Variants in PTPRN2 observed in about 807,000 individuals in gnomAD.
PTPRN2 encodes protein tyrosine phosphatase receptor type N2.
In PTPRN2, 74 loss-of-function variants were observed where a neutral mutation model predicts 118.8. That is an observed-to-expected ratio of 0.62 (90% CI 0.52 to 0.76). The LOEUF (loss-of-function observed/expected upper bound fraction) is 0.76. Ranked by LOEUF, PTPRN2 falls within the 30% of genes least tolerant of loss-of-function variation. The pLI, the probability that PTPRN2 is intolerant of heterozygous loss-of-function variation, is 0.00. For missense variants in PTPRN2, 1,481 were observed against 1,394.4 expected (o/e 1.06, Z -0.99); for synonymous variants, 641 against 608.0 (o/e 1.05, Z -0.80).
intron 12 of PTPRN2, among the ~76,000 whole-genome samples, chr7:157,730,092 G>A (rs145192817): frequency 1.1e-3 from 163 of 152,156 alleles, no homozygotes; most frequent in African/African-American, 3.8e-3. Context: ...GTCCACATTC[G>A]CATAAAATTT....
At chr7:158,197,489 TA>T (rs958468415) in intron 4 of PTPRN2, among the ~76,000 whole-genome samples, 17 of 152,174 alleles carry the variant, frequency 1.1e-4, no homozygotes, top group Admixed American at 6.5e-4. Flanking sequence ...ATGGGGCTTA[TA>T]AAAAAAATCC....
At chr7:157,658,196 C>T (rs970258468) in intron 13 of PTPRN2, among the ~76,000 whole-genome samples, 5 of 152,088 alleles carry the variant, frequency 3.3e-5, no homozygotes, top group East Asian at 1.9e-4. Context: ...AGGCCGGGGG[C>T]GGTTTGCACT....
At chr7:157,772,154 AACACACACACAGGCAC>A (rs1802884802) in intron 12 of PTPRN2, among the ~76,000 whole-genome samples, 1 of 146,506 alleles carries the variant, frequency 6.8e-6, no homozygotes, top group African/African-American at 2.5e-5. Context: ...CACAGACACA[AACACACACACAGGCAC>A]AGACATACAC....
chr7:157,957,436 C>T (rs10949676), intron 11 of PTPRN2, among the ~76,000 whole-genome samples: 125,751 of 152,062 alleles, frequency 0.83, 52,579 homozygotes, highest in East Asian at 0.89. Context: ...GCGATCAGAG[C>T]ATTATGGCCA....
At chr7:158,471,846 C>T (rs952372041) in intron 2 of PTPRN2, among the ~76,000 whole-genome samples, 1 of 152,254 alleles carries the variant, frequency 6.6e-6, no homozygotes, top group African/African-American at 2.4e-5. Context: ...GCGCCCCGGC[C>T]CCAGGGCCCC....
intron 1 of PTPRN2, among the ~76,000 whole-genome samples, chr7:158,492,908 CCT>C (rs1821566795): frequency 6.6e-6 from 1 of 152,216 alleles, no homozygotes; most frequent in Non-Finnish European, 1.5e-5. Flanking sequence ...ACTTGTGTAC[CCT>C]GTCGGCTCAC....
At chr7:157,885,735 G>A (rs1330497687) in intron 12 of PTPRN2, among the ~76,000 whole-genome samples, 1 of 152,224 alleles carries the variant, frequency 6.6e-6, no homozygotes, top group African/African-American at 2.4e-5. Flanking sequence ...CAGCTTTCAG[G>A]AATCTCCATG....
chr7:158,166,262 T>A lies in PTPRN2; in HGVS notation c.910+669A>T, dbSNP rs12532664. 1.9e-4 allele frequency among the ~76,000 whole-genome samples: 4 copies of A among 21,402 alleles called. 1 individual carries two copies. The highest frequency in any genetic ancestry group is 2.8e-3 in the East Asian group (2 of 704). 14.0% of individuals were successfully genotyped at this position (21,402 alleles called of 152,430 possible). A position where few individuals can be genotyped will look rare whatever the true frequency, so the allele number is the denominator to read the frequency against. The stretch of plus-strand genomic sequence containing the variant: ...AGGATCATCTCCTCCTCCCCCTGGC[T>A]GCCGCGTTCCCTGTCCTCACACCCT... On this transcript the variant is annotated intron_variant, in intron 6 of 22. Coordinates refer to ENST00000389418, the MANE Select transcript of PTPRN2 (RefSeq NM_002847.5).
chr7:157,809,981 C>T (rs924042305), intron 12 of PTPRN2, among the ~76,000 whole-genome samples: 5 of 152,104 alleles, frequency 3.3e-5, no homozygotes, highest in Admixed American at 6.6e-5. Flanking sequence ...GCAGAGGGTG[C>T]GTGGGGAGGA....
chr7:157,643,484 C>T (rs1375532513), intron 14 of PTPRN2, among the ~76,000 whole-genome samples: 4 of 152,242 alleles, frequency 2.6e-5, no homozygotes, highest in Non-Finnish European at 5.9e-5. Context: ...CAGAGCGCTG[C>T]AAGGGGCACT....
chr7:157,659,243 C>T (rs755690006), intron 13 of PTPRN2, among the ~76,000 whole-genome samples: 13 of 149,534 alleles, frequency 8.7e-5, no homozygotes, highest in Non-Finnish European at 1.9e-4. Context: ...GCCTGCAGCC[C>T]CTGTGAGAGC....
At chr7:158,238,664 C>A (rs758196723) in intron 3 of PTPRN2, among the ~76,000 whole-genome samples, 2 of 152,184 alleles carry the variant, frequency 1.3e-5, no homozygotes, top group African/African-American at 4.8e-5. Flanking sequence ...CCAGGAAGCA[C>A]GGGTCGCAGC....
chr7:157,649,529 C>T (rs1156837549), intron 14 of PTPRN2, among the ~76,000 whole-genome samples: 2 of 109,112 alleles, frequency 1.8e-5, no homozygotes, highest in Non-Finnish European at 4.2e-5. Context: ...GACCCATTCA[C>T]TGTGCACTGA....
chr7:158,367,354 G>A (rs1426853519), intron 2 of PTPRN2, among the ~76,000 whole-genome samples: 7 of 152,194 alleles, frequency 4.6e-5, no homozygotes, highest in Non-Finnish European at 7.3e-5. Context: ...TGTAAAATAC[G>A]GAAGCTATGC....
chr7:157,590,856 T>C lies in PTPRN2; in HGVS notation c.2496+4382A>G, dbSNP rs1450470061. 2.6e-5 allele frequency among the ~76,000 whole-genome samples: 4 copies of C among 152,288 alleles called. No individual in the cohort carries two copies. Among genetic ancestry groups the C allele is most frequent in the Admixed American group, 1.3e-4 (2 of 15,300 alleles). On this transcript the variant is annotated intron_variant, in intron 17 of 22. Transcript: ENST00000389418. This position sits in a 1 kb window ranked among gnomAD's most constrained non-coding sequence, Gnocchi z 4.0. ...GCTCCTCTGCCTCCCAGCAGCCCAG[T>C]GACCTCCAAACGGACTCCTGACCCA...
intron 2 of PTPRN2, among the ~76,000 whole-genome samples, chr7:158,359,222 C>G (rs559619563): frequency 2.4e-4 from 37 of 152,358 alleles, no homozygotes; most frequent in Middle Eastern, 6.8e-3. Flanking sequence ...CAACTTTAAC[C>G]AGACACAAGT....
intron 6 of PTPRN2, among the ~76,000 whole-genome samples, chr7:158,151,101 CCT>C (rs1491258416): frequency 1.5e-4 from 2 of 13,036 alleles, no homozygotes; most frequent in East Asian, 7.0e-3. Flanking sequence ...AAACCGCCCG[CCT>C]TTCTGCTCCT....
intron 22 of PTPRN2, among the ~76,000 whole-genome samples, chr7:157,546,818 G>C (rs909201424): frequency 5.3e-5 from 8 of 152,178 alleles, no homozygotes; most frequent in Non-Finnish European, 1.0e-4. Flanking sequence ...CTCACTTCAC[G>C]AAGGGTCCTG....
At chr7:158,503,420 T>C (rs781703415) in intron 1 of PTPRN2, among the ~76,000 whole-genome samples, 1 of 152,000 alleles carries the variant, frequency 6.6e-6, no homozygotes, top group African/African-American at 2.4e-5. Context: ...CTGAAACAAG[T>C]AGGAAAAAAG....
Sources: gnomAD v4.1 joint callset for allele counts (sites outside exome capture counted in the v4.1 genomes callset) on GRCh38, gnomAD v4.1.1 for gene constraint, Gnocchi (gnomAD v3.1) non-coding constraint, MANE v1.5 for transcripts, NCBI Gene and HGNC (gene_info 2026-07-23, HGNC 2026-07-21) for gene names.